The following MYRIP variants were observed in gnomAD, a reference collection of about 807,000 sequenced individuals.
The protein encoded by MYRIP is myosin VIIA and Rab interacting protein.
MYRIP carries 49 observed loss-of-function variants against 98.0 expected under a neutral mutation model. The observed-to-expected ratio is 0.50, with a 90% CI of 0.40 to 0.63. The LOEUF is 0.63. Ranked by LOEUF, MYRIP falls within the 30% of genes least tolerant of loss-of-function variation. The pLI is 0.00. For synonymous variants in MYRIP, 404 were observed against 409.5 expected (o/e 0.99, Z 0.16); for missense variants, 1,004 against 1,058.2 (o/e 0.95, Z 0.71).
In MYRIP at chr3:40,178,846, C is replaced by T. The variant is rs140050277; in HGVS notation, c.874-3374C>T. Among the ~76,000 whole-genome samples the T allele has an allele frequency of 5.4e-3, 826 of 152,186 alleles. 6 individuals carry two copies. The highest frequency in any genetic ancestry group is 7.1e-3 in the Admixed American group (109 of 15,292). ...TAAAGAGGAAGGGCCTATCTGAAGG[C>T]CCAAATTCTCAAGTTCATCAATGCA... On this transcript the variant is annotated intron_variant, in intron 8 of 16. Coordinates refer to ENST00000302541, the MANE Select transcript of MYRIP (RefSeq NM_015460.4).
At chr3:40,084,748 CTA>C (rs1480737526) in intron 3 of MYRIP, among the ~76,000 whole-genome samples, 2 of 137,322 alleles carry the variant, frequency 1.5e-5, no homozygotes, top group Non-Finnish European at 1.6e-5. Context: ...TAATATGTAT[CTA>C]TGTGTTACAT....
chr3:39,819,457 C>T (rs67906695), intron 1 of MYRIP, among the ~76,000 whole-genome samples: 12,251 of 152,204 alleles, frequency 0.08, 543 homozygotes, highest in African/African-American at 0.12. Context: ...AACACCTGTT[C>T]GGGAGAACCA....
At chr3:40,183,856 T>A (rs1950956488) in intron 9 of MYRIP, among the ~76,000 whole-genome samples, 1 of 152,252 alleles carries the variant, frequency 6.6e-6, no homozygotes, top group East Asian at 1.9e-4. Context: ...TTATTTCTAC[T>A]CTAAAAGGGA....
chr3:40,211,222 G>A (rs1348874345), intron 11 of MYRIP, among the ~76,000 whole-genome samples: 2 of 152,182 alleles, frequency 1.3e-5, no homozygotes, highest in Non-Finnish European at 2.9e-5. Flanking sequence ...TATCTTCAGA[G>A]TGATGATTCT....
chr3:40,091,349 C>T (rs911823813), intron 3 of MYRIP, among the ~76,000 whole-genome samples: 1 of 138,808 alleles, frequency 7.2e-6, no homozygotes, highest in African/African-American at 2.6e-5. Context: ...GGATTATCCC[C>T]AGCTGAGCCA....
intron 1 of MYRIP, among the ~76,000 whole-genome samples, chr3:39,824,038 G>C (rs918326823): frequency 6.6e-6 from 1 of 152,042 alleles, no homozygotes; most frequent in Non-Finnish European, 1.5e-5. Context: ...TGTTTAAGGC[G>C]AGAAGTGGAG....
intron 10 of MYRIP, among the ~76,000 whole-genome samples, chr3:40,200,033 G>T (rs1951508174): frequency 6.7e-6 from 1 of 149,926 alleles, no homozygotes; most frequent in Non-Finnish European, 1.5e-5. Context: ...TGGAGAAAAA[G>T]AATTGCTAGA....
At chr3:40,241,749 T>C (rs74967232) in intron 12 of MYRIP, among the ~76,000 whole-genome samples, 2,812 of 152,258 alleles carry the variant, frequency 0.018, 29 homozygotes, top group Non-Finnish European at 0.029. Context: ...TGACTAGAGT[T>C]TGAAGGGGTC....
chr3:39,857,617 G>A (rs1942344345), intron 1 of MYRIP, among the ~76,000 whole-genome samples: 1 of 152,096 alleles, frequency 6.6e-6, no homozygotes, highest in South Asian at 2.1e-4. Context: ...TATAATGGTG[G>A]TGTATAAATC....
intron 2 of MYRIP, among the ~76,000 whole-genome samples, chr3:39,951,746 C>T (rs1007019172): frequency 1.3e-5 from 2 of 152,066 alleles, no homozygotes; most frequent in African/African-American, 4.8e-5. Context: ...GCCCACAGGT[C>T]ATAGTTTGCT....
At chr3:40,219,101 G>C (rs1052231068) in intron 11 of MYRIP, among the ~76,000 whole-genome samples, 6 of 152,090 alleles carry the variant, frequency 3.9e-5, no homozygotes, top group African/African-American at 1.4e-4. Flanking sequence ...AAATTATGTA[G>C]CACATGCTGG....
At chr3:39,935,212 A>G (rs1944631296) in intron 2 of MYRIP, among the ~76,000 whole-genome samples, 1 of 152,190 alleles carries the variant, frequency 6.6e-6, no homozygotes, top group South Asian at 2.1e-4. Flanking sequence ...GACGGGGCAG[A>G]TAAAGATAGA....
intron 8 of MYRIP, among the ~76,000 whole-genome samples, 166 bp downstream of exon 8, chr3:40,170,259 G>T (rs1950586421): frequency 6.6e-6 from 1 of 152,174 alleles, no homozygotes. Flanking sequence ...GCCAGGAAGG[G>T]TAAGAGAGGA....
intron 2 of MYRIP, among the ~76,000 whole-genome samples, chr3:39,997,085 A>T (rs576946286): frequency 6.6e-6 from 1 of 152,362 alleles, no homozygotes; most frequent in South Asian, 2.1e-4. Flanking sequence ...AAAGCAGGAA[A>T]GATCTAAAAT....
intron 9 of MYRIP, among the ~76,000 whole-genome samples, chr3:40,184,373 C>G (rs1575605090): frequency 6.6e-6 from 1 of 152,266 alleles, no homozygotes; most frequent in Admixed American, 6.5e-5. Flanking sequence ...AAAAAAAATA[C>G]AGAGTCCATA....
chr3:39,833,173 A>G (rs1363483787), intron 1 of MYRIP, among the ~76,000 whole-genome samples: 1 of 152,218 alleles, frequency 6.6e-6, no homozygotes, highest in Non-Finnish European at 1.5e-5. Flanking sequence ...AACACCTACC[A>G]AGAGAGAGAA....
At chr3:39,841,568 G>A (rs975906966) in intron 1 of MYRIP, among the ~76,000 whole-genome samples, 1 of 152,086 alleles carries the variant, frequency 6.6e-6, no homozygotes, top group East Asian at 1.9e-4. Context: ...TTTTTGCGCT[G>A]GTTTTCCCTC....
chr3:40,046,322 C>T (rs563539002), intron 3 of MYRIP, among the ~76,000 whole-genome samples: 49 of 151,998 alleles, frequency 3.2e-4, no homozygotes, highest in Admixed American at 1.9e-3. Flanking sequence ...TGGCTGCATG[C>T]GCTACACTGA....
In MYRIP at chr3:40,023,157, G is replaced by T. The variant is rs1246034484; in HGVS notation, c.111-20893G>T. On this transcript the variant is annotated intron_variant, in intron 2 of 16. Coordinates refer to ENST00000302541, the MANE Select transcript of MYRIP (RefSeq NM_015460.4). ...TCTGAAGAGAAAGCCAGGTGGCTTT[G>T]AGGGAGTCACTGGTGTCAGGAGAAC... Among the ~76,000 whole-genome samples the T allele has an allele frequency of 3.7e-4, 57 of 152,192 alleles. 1 individual carries two copies. The highest frequency in any genetic ancestry group is 3.7e-3 in the Admixed American group (57 of 15,274).
Sources: gnomAD v4.1 joint callset for allele counts (sites outside exome capture counted in the v4.1 genomes callset) on GRCh38, gnomAD v4.1.1 for gene constraint, MANE v1.5 for transcripts, NCBI Gene and HGNC (gene_info 2026-07-23, HGNC 2026-07-21) for gene names.